Variants in SCTR observed in about 807,000 individuals in gnomAD.
The protein encoded by SCTR is pancreatic secretin receptor.
SCTR carries 56 observed loss-of-function variants against 60.8 expected under a neutral mutation model. That is an observed-to-expected ratio of 0.92 (90% CI 0.74 to 1.15). The LOEUF is 1.15. Among genes scored for constraint, SCTR ranks in the 50% most tolerant of loss-of-function variants. The pLI is 0.00. For missense variants in SCTR, 562 were observed against 550.4 expected (o/e 1.02, Z -0.21); for synonymous variants, 202 against 217.0 (o/e 0.93, Z 0.61).
chr2:119,463,062 TACACACACACACACAC>T (rs35496213), intron 6 of SCTR, among the ~76,000 whole-genome samples: 8 of 148,400 alleles, frequency 5.4e-5, no homozygotes, highest in Non-Finnish European at 9.0e-5. Context: ...AGTCAGAAAA[TACACACACACACACAC>T]ACACACACAA....
At position 119,524,158 on chromosome 2, in the gene SCTR, G is replaced by A; in HGVS notation, c.69C>T (p.His23=). 1.3e-6 allele frequency: 2 copies of A among 1,538,502 alleles called. No homozygotes were observed. Among genetic ancestry groups the A allele is most frequent in the Non-Finnish European group, 1.8e-6 (2 of 1,140,970 alleles). ...TGCAGAAGGGCGCAGTACTCACCGAGTGCGCGGCGCAGGCGAGCAGCACCG... is the reference window on the plus strand; with the variant it reads ...TGCAGAAGGGCGCAGTACTCACCGAATGCGCGGCGCAGGCGAGCAGCACCG... ...LLPVLLACAA[H]STGALPRLCD... The change falls in exon 1 of 13, where the codon CAC becomes CAT. Residue 23 remains histidine (H), a synonymous_variant. Coordinates refer to ENST00000019103, the MANE Select transcript of SCTR (RefSeq NM_002980.3).
At chr2:119,465,926 G>A (rs989654457) in intron 4 of SCTR, 40 bp from the exon 5 acceptor site, 3 of 1,440,068 alleles carry the variant, frequency 2.1e-6, no homozygotes, top group Non-Finnish European at 2.9e-6. Context: ...CGGCCCTCCT[G>A]GCTAGCTCTG....
intron 1 of SCTR, among the ~76,000 whole-genome samples, chr2:119,499,600 A>G (rs575180405): frequency 8.3e-4 from 126 of 152,244 alleles, no homozygotes; most frequent in African/African-American, 2.5e-3. Flanking sequence ...AAATGAAGCA[A>G]CACACTTCTA....
intron 6 of SCTR, among the ~76,000 whole-genome samples, chr2:119,462,605 C>T (rs1433789851): frequency 2.6e-5 from 4 of 152,192 alleles, no homozygotes; most frequent in Non-Finnish European, 2.9e-5. Context: ...CAGGGATCCC[C>T]GGAAGTTATG....
At chr2:119,473,849 G>A (rs1677140432) in intron 3 of SCTR, among the ~76,000 whole-genome samples, 1 of 152,172 alleles carries the variant, frequency 6.6e-6, no homozygotes, top group Non-Finnish European at 1.5e-5. Flanking sequence ...CCGTTTAACA[G>A]GTGGGTACCC....
chr2:119,465,948 T>TGAAGCGGATGCAGTGAGG, intron 4 of SCTR, 62 bp from the exon 5 acceptor site: 1 of 1,201,536 alleles, frequency 8.3e-7, no homozygotes, highest in Non-Finnish European at 1.2e-6. Flanking sequence ...CTTCTGTGCC[T>TGAAGCGGATGCAGTGAGG]CACTGCATCC....
At position 119,501,587 on chromosome 2, in the gene SCTR, A is replaced by G. The variant is rs1678553956; in HGVS notation, c.73-7039T>C. On this transcript the variant is annotated intron_variant, in intron 1 of 12. Coordinates refer to ENST00000019103, the MANE Select transcript of SCTR (RefSeq NM_002980.3). ...ATAAGTAGGGAGATGATAGTTAGCA[A>G]TAATTTATCATACATTTCAAAGTAG... Among the ~76,000 whole-genome samples, 4 of 152,326 alleles carry G rather than the reference A, an allele frequency of 2.6e-5. No homozygotes were observed. In the South Asian group the frequency reaches 8.3e-4, roughly 32 times the overall value.
chr2:119,464,792 C>G (rs1371922956), intron 5 of SCTR, among the ~76,000 whole-genome samples: 1 of 152,164 alleles, frequency 6.6e-6, no homozygotes, highest in African/African-American at 2.4e-5. Context: ...GACCTACCAC[C>G]ATCTCCAGCT....
At chr2:119,458,841 T>C (rs2104791373) in intron 7 of SCTR, among the ~76,000 whole-genome samples, 1 of 152,246 alleles carries the variant, frequency 6.6e-6, no homozygotes, top group East Asian at 1.9e-4. Flanking sequence ...TCAGAGTCTC[T>C]GGGCGGGGAG....
chr2:119,454,314 T>C (rs768462420), intron 7 of SCTR, among the ~76,000 whole-genome samples: 5 of 152,124 alleles, frequency 3.3e-5, no homozygotes, highest in Non-Finnish European at 7.4e-5. Flanking sequence ...CGGCCAGCAC[T>C]ACCCTCACCA....
chr2:119,480,388 C>A (rs1677545952), intron 2 of SCTR, among the ~76,000 whole-genome samples: 1 of 152,188 alleles, frequency 6.6e-6, no homozygotes, highest in African/African-American at 2.4e-5. Flanking sequence ...ACCACCAGAT[C>A]TCATGAGACT....
At chr2:119,454,277 G>A (rs1041614091) in intron 7 of SCTR, among the ~76,000 whole-genome samples, 1 of 152,148 alleles carries the variant, frequency 6.6e-6, no homozygotes, top group African/African-American at 2.4e-5. Flanking sequence ...TTTGAAGTCT[G>A]GATAAGAAAC....
chr2:119,464,279 A>G, intron 5 of SCTR, 24 bp from the exon 6 acceptor site: 1 of 1,613,976 alleles, frequency 6.2e-7, no homozygotes. Context: ...ATGTAGGGAC[A>G]TAGAGGCCAG....
In SCTR at chr2:119,461,863, A is replaced by T. The variant is rs746084734; in HGVS notation, c.774T>A (p.Phe258Leu). The T allele has an allele frequency of 1.2e-6, 2 of 1,613,682 alleles. No homozygotes were observed. The highest frequency in any genetic ancestry group is 8.5e-7 in the Non-Finnish European group (1 of 1,179,776). The stretch of plus-strand genomic sequence containing the variant: ...GAAACATACCCCATCCGAATGCCAC[A>T]AATCCCTGGAGGTACTTTCTTTCAG... ...FFSERKYLQG[F>L]VAFGWGSPAI... The change falls in exon 7 of 13, where the codon TTT (phenylalanine) becomes TTA (leucine). Residue 258 changes from phenylalanine (F) to leucine (L), a missense_variant. Coordinates refer to ENST00000019103, the MANE Select transcript of SCTR (RefSeq NM_002980.3).
chr2:119,496,241 T>A (rs1361153819), intron 1 of SCTR, among the ~76,000 whole-genome samples: 1 of 152,176 alleles, frequency 6.6e-6, no homozygotes, highest in African/African-American at 2.4e-5. Flanking sequence ...TGCTTAGAAA[T>A]TAACATGACT....
intron 4 of SCTR, among the ~76,000 whole-genome samples, chr2:119,468,031 A>G (rs887561600): frequency 2.0e-5 from 3 of 152,188 alleles, no homozygotes; most frequent in Non-Finnish European, 2.9e-5. Context: ...AAGAAAACAA[A>G]AAAACTGAAT....
intron 8 of SCTR, among the ~76,000 whole-genome samples, chr2:119,453,020 G>A (rs755187004): frequency 5.3e-5 from 8 of 152,228 alleles, no homozygotes; most frequent in African/African-American, 1.2e-4. Flanking sequence ...CTGGAGCCCC[G>A]TAGCTCTTGT....
At chr2:119,522,339 G>A (rs552018502) in intron 1 of SCTR, among the ~76,000 whole-genome samples, 3 of 152,090 alleles carry the variant, frequency 2.0e-5, no homozygotes, top group African/African-American at 4.8e-5. Flanking sequence ...AATACAAGGG[G>A]TATAAAAGAC....
intron 4 of SCTR, among the ~76,000 whole-genome samples, chr2:119,468,817 A>G (rs1394437962): frequency 6.6e-6 from 1 of 152,198 alleles, no homozygotes; most frequent in Non-Finnish European, 1.5e-5. Flanking sequence ...TGTCATCTGT[A>G]GAGTACATGA....
Sources: allele counts gnomAD v4.1 joint callset (sites outside exome capture counted in the v4.1 genomes callset), GRCh38; gene constraint gnomAD v4.1.1; transcripts MANE v1.5; gene names NCBI Gene and HGNC (gene_info 2026-07-23, HGNC 2026-07-21).